The following CEP135 variants were observed in gnomAD, a reference collection of about 807,000 sequenced individuals.
CEP135 encodes the protein centrosomal protein of 135 kDa.
Under a neutral mutation model 157.3 loss-of-function variants are expected in CEP135, and 142 were observed. That is an observed-to-expected ratio of 0.90 (90% CI 0.79 to 1.04). The LOEUF is 1.04. Ranked by LOEUF, CEP135 falls within the 50% of genes least tolerant of loss-of-function variation. CEP135 has a pLI of 0.00. For missense variants in CEP135, 1,317 were observed against 1,309.2 expected, an observed-to-expected ratio of 1.01 and a Z score of -0.09; for synonymous variants, 396 against 439.8, an observed-to-expected ratio of 0.90 and a Z score of 1.25.
intron 1 of CEP135, among the ~76,000 whole-genome samples, chr4:55,950,653 G>A (rs1728336387): frequency 2.0e-5 from 3 of 150,856 alleles, no homozygotes; most frequent in Non-Finnish European, 4.4e-5. Context: ...AAAAAAAAAA[G>A]AAATGCTCTT....
chr4:56,017,207 A>T (rs907953748), intron 21 of CEP135, among the ~76,000 whole-genome samples: 10 of 152,110 alleles, frequency 6.6e-5, no homozygotes, highest in African/African-American at 2.2e-4. Flanking sequence ...TTATCCAGGT[A>T]TATAGTTTTG....
rs192538297 is a variant in CEP135, at chr4:55,992,921, A to C, written c.2009+836A>C. Among the ~76,000 whole-genome samples, 369 of 152,282 alleles carry C rather than the reference A, an allele frequency of 2.4e-3. 3 individuals carry two copies. The highest frequency in any genetic ancestry group is 7.7e-3 in the African/African-American group (319 of 41,556). ...TAAGTAACAAGATAATGAAGGTCGG[A>C]ATAAGGGGACCGCTCTGAAGAATCT... is the stretch of plus-strand genomic sequence containing the variant. On this transcript the variant is annotated intron_variant, in intron 15 of 25. Transcript: ENST00000257287.
At position 55,957,255 on chromosome 4, in the gene CEP135, C is replaced by G. The variant is rs1728538116; in HGVS notation, c.505C>G (p.Gln169Glu). The G allele has an allele frequency of 2.5e-6, 4 of 1,613,900 alleles. No individual in the cohort carries two copies. In the Admixed American group the frequency reaches 6.7e-5, roughly 27 times the overall value. ...GKKRSIAFRR[Q>E]RMQIDEPVPP... ...GAAAAGAAGTATTGCTTTCAGGCGC[C>G]AGCGTATGCAAATTGATGAACCGGT... The change falls in exon 5 of 26, where the codon CAG becomes GAG. Residue 169 changes from glutamine to glutamate, a missense_variant. Physicochemically the swap from Gln to Glu is conservative, Grantham distance 29 (BLOSUM62 2). Coordinates refer to ENST00000257287, the MANE Select transcript of CEP135 (RefSeq NM_025009.5).
In CEP135 at chr4:55,999,510, G is replaced by T; in HGVS notation, c.2145G>T (p.Met715Ile). Residue 715 changes from methionine to isoleucine, a missense_variant, in exon 17 of 26, where the codon ATG (methionine) becomes ATT (isoleucine). Physicochemically the swap from Met to Ile is conservative, Grantham distance 10. Transcript: ENST00000257287. ...EEKIDELNLK[M>I]TSQDEEAHVM... ...TTGTAGATGAACTAAACCTTAAGAT[G>T]ACTTCACAGGATGAGGAGGCTCATG... 6.2e-7 allele frequency: 1 copy of T among 1,610,746 alleles called. No individual in the cohort carries two copies. Among genetic ancestry groups the T allele is most frequent in the South Asian group, 1.1e-5 (1 of 90,172 alleles).
chr4:55,968,993 G>C, intron 8 of CEP135, 70 bp from the exon 9 acceptor site: 3 of 1,151,582 alleles, frequency 2.6e-6, no homozygotes, highest in Admixed American at 4.7e-5. Flanking sequence ...AAAATTACTT[G>C]ATCTATTTGC....
chr4:56,020,139 C>A (rs1231808017), intron 23 of CEP135, among the ~76,000 whole-genome samples: 1 of 152,034 alleles, frequency 6.6e-6, no homozygotes, highest in Non-Finnish European at 1.5e-5. Context: ...AGAAAGTGTT[C>A]TCGGGAGAAG....
At chr4:56,027,646 A>C (rs1731199856) in intron 25 of CEP135, among the ~76,000 whole-genome samples, 1 of 151,720 alleles carries the variant, frequency 6.6e-6, no homozygotes, top group African/African-American at 2.4e-5. Context: ...AGATTCCTGC[A>C]GTCCCTGAAA....
intron 10 of CEP135, among the ~76,000 whole-genome samples, chr4:55,973,151 A>G (rs1363143581): frequency 6.6e-6 from 1 of 152,132 alleles, no homozygotes; most frequent in African/African-American, 2.4e-5. Flanking sequence ...CCTGCCAGAT[A>G]CCCAGCCATG....
chr4:55,952,361 G>A (rs1157389815), intron 2 of CEP135, 118 bp downstream of exon 2: 2 of 643,508 alleles, frequency 3.1e-6, no homozygotes, highest in African/African-American at 3.7e-5. Flanking sequence ...TTTCAATCAT[G>A]AAGCTTATCT....
intron 11 of CEP135, among the ~76,000 whole-genome samples, chr4:55,979,605 C>T (rs2702346): frequency 0.066 from 10,061 of 152,084 alleles, 488 homozygotes; most frequent in African/African-American, 0.12. Context: ...CTGTACTGGG[C>T]GAGCAGGCAC....
intron 14 of CEP135, among the ~76,000 whole-genome samples, chr4:55,986,651 G>A (rs1729598294): frequency 6.6e-6 from 1 of 152,152 alleles, no homozygotes; most frequent in Admixed American, 6.5e-5. Flanking sequence ...GTATGTTTCT[G>A]TTTTTATAAT....
At chr4:56,012,351 C>T (rs781632717) in intron 21 of CEP135, among the ~76,000 whole-genome samples, 8 of 152,270 alleles carry the variant, frequency 5.3e-5, no homozygotes, top group African/African-American at 7.2e-5. Flanking sequence ...CCACCGCACC[C>T]GGCCTCAAAG....
chr4:55,960,520 A>G (rs1309309736), intron 6 of CEP135: 2 of 152,194 alleles, frequency 1.3e-5, no homozygotes, highest in Non-Finnish European at 2.9e-5. Flanking sequence ...CATTTTCTGC[A>G]TTGACTGCAT....
chr4:55,952,002 C>T (rs1728373103), intron 1 of CEP135, 84 bp from the exon 2 acceptor site: 1 of 505,222 alleles, frequency 2.0e-6, no homozygotes, highest in Non-Finnish European at 3.6e-6. Context: ...ATAATTGCTT[C>T]ATATTAAAAT....
rs1731344908 is a variant in CEP135, at chr4:56,031,382, C to G, written c.*34C>G. The G allele has an allele frequency of 2.6e-5, 4 of 152,416 alleles. No individual in the cohort carries two copies. In the South Asian group the frequency reaches 8.3e-4, roughly 32 times the overall value. 9.4% of individuals were successfully genotyped at this position (152,416 alleles called of 1,614,324 possible). A position where few individuals can be genotyped will look rare whatever the true frequency, so the allele number is the denominator to read the frequency against. The stretch of plus-strand genomic sequence containing the variant: ...CAGAATAATGGCTTTCAATGAGTTC[C>G]TATGTGGATTTTTAAAAGAACAGAA... On this transcript the variant is annotated 3_prime_UTR_variant, in exon 26 of 26. Coordinates refer to ENST00000257287, the MANE Select transcript of CEP135 (RefSeq NM_025009.5).
At chr4:55,980,994 CTT>C (rs1336574609) in intron 12 of CEP135, among the ~76,000 whole-genome samples, 3 of 152,092 alleles carry the variant, frequency 2.0e-5, no homozygotes, top group African/African-American at 7.2e-5. Flanking sequence ...TTACTTCCTG[CTT>C]GTCTGTCTGC....
chr4:56,030,758 G>GT (rs1374649636), intron 25 of CEP135, among the ~76,000 whole-genome samples: 1 of 152,068 alleles, frequency 6.6e-6, no homozygotes, highest in Non-Finnish European at 1.5e-5. Context: ...CCCAGCCTGT[G>GT]TTTCTTGTTA....
intron 17 of CEP135, among the ~76,000 whole-genome samples, chr4:56,000,368 GT>G (rs1730124698): frequency 6.6e-6 from 1 of 152,012 alleles, no homozygotes. Flanking sequence ...TCTTTTAGCT[GT>G]TTTGAAATGT....
chr4:55,999,543 A>G lies in CEP135; in HGVS notation c.2178A>G (p.Lys726=), dbSNP rs781217981. ...AGGATGAGGAGGCTCATGTAATGAAAAAGACCATTGGTGTTATTGATAAAG... is the reference window on the plus strand; with the variant it reads ...AGGATGAGGAGGCTCATGTAATGAAGAAGACCATTGGTGTTATTGATAAAG... ...TSQDEEAHVM[K]KTIGVIDKEK... is the part of the protein sequence containing the mutation. The change falls in exon 17 of 26, where the codon AAA becomes AAG. Residue 726 remains lysine, a synonymous_variant. Coordinates refer to ENST00000257287, the MANE Select transcript of CEP135 (RefSeq NM_025009.5). 2.5e-6 allele frequency: 4 copies of G among 1,611,430 alleles called. No homozygotes were observed. The African/African-American group carries it at 5.4e-5, about 22-fold the overall frequency.
Sources: allele counts gnomAD v4.1 joint callset (sites outside exome capture counted in the v4.1 genomes callset), GRCh38; gene constraint gnomAD v4.1.1; transcripts MANE v1.5; gene names NCBI Gene and HGNC (gene_info 2026-07-23, HGNC 2026-07-21).